SNTG1: variants seen among roughly 807,000 people sequenced by gnomAD.
The protein encoded by SNTG1 is gamma-1-syntrophin.
A neutral mutation model predicts 74.7 loss-of-function variants in SNTG1; 39 were observed. That is an observed-to-expected ratio of 0.52 (90% CI 0.40 to 0.68). SNTG1 has a LOEUF of 0.68. SNTG1 is among the 30% of genes least tolerant of loss of function. The pLI, the probability that SNTG1 is intolerant of heterozygous loss-of-function variation, is 0.00. For missense variants in SNTG1, 685 were observed against 609.5 expected (o/e 1.12, Z -1.30); for synonymous variants, 254 against 217.1 (o/e 1.17, Z -1.49).
chr8:50,649,757 T>G (rs2095133175), intron 13 of SNTG1, among the ~76,000 whole-genome samples: 1 of 152,128 alleles, frequency 6.6e-6, no homozygotes, highest in African/African-American at 2.4e-5. Context: ...CTGGCTCGTC[T>G]TTTTTAGTTT....
intron 15 of SNTG1, among the ~76,000 whole-genome samples, chr8:50,686,578 T>A (rs1396375): frequency 9.9e-5 from 15 of 152,042 alleles, no homozygotes; most frequent in Middle Eastern, 6.8e-3. Flanking sequence ...TATGAATATT[T>A]ATTTGGTTTT....
At chr8:49,963,871 T>G (rs1306466582) in intron 1 of SNTG1, among the ~76,000 whole-genome samples, 1 of 152,244 alleles carries the variant, frequency 6.6e-6, no homozygotes, top group Non-Finnish European at 1.5e-5. Context: ...TCTTTTCAAT[T>G]TAGAAAGACT....
At chr8:50,645,269 T>C (rs912205677) in intron 13 of SNTG1, among the ~76,000 whole-genome samples, 3 of 152,168 alleles carry the variant, frequency 2.0e-5, no homozygotes, top group East Asian at 1.9e-4. Flanking sequence ...AAACTTCTGG[T>C]AAACTCATAT....
chr8:50,081,834 T>C (rs370849480), intron 1 of SNTG1, among the ~76,000 whole-genome samples: 2 of 152,268 alleles, frequency 1.3e-5, no homozygotes, highest in African/African-American at 4.8e-5. Context: ...GGTTTCACCA[T>C]GTTGGCCAGG....
chr8:50,698,205 A>G lies in SNTG1; in HGVS notation c.1039-6395A>G, dbSNP rs148986654. Among the ~76,000 whole-genome samples, 246 of 152,088 alleles carry G rather than the reference A, an allele frequency of 1.6e-3. 1 individual carries two copies. Among genetic ancestry groups the G allele is most frequent in the Middle Eastern group, 6.8e-3 (2 of 294 alleles). ...GTAGTAAGTTTTCAGGAATTTGTCCATTTCCTCTAGGTTTTCTAGTTTGTG... is the reference window on the plus strand; with the variant it reads ...GTAGTAAGTTTTCAGGAATTTGTCCGTTTCCTCTAGGTTTTCTAGTTTGTG... On this transcript the variant is annotated intron_variant, in intron 15 of 18. Transcript: ENST00000642720.
Position 50,251,644 on chromosome 8 carries a change from T to C in SNTG1, c.-28+79009T>C, listed in dbSNP as rs936367716. 2.0e-5 allele frequency among the ~76,000 whole-genome samples: 3 copies of C among 152,044 alleles called. No individual in the cohort carries two copies. In the East Asian group the frequency reaches 5.8e-4, roughly 29 times the overall value. ...AAAGACAAAGGATATTATTATATAA[T>C]AATTACATAACTAACTCAACAAGAA... On this transcript the variant is annotated intron_variant, in intron 2 of 18. Coordinates refer to ENST00000642720, the MANE Select transcript of SNTG1 (RefSeq NM_018967.5).
intron 1 of SNTG1, among the ~76,000 whole-genome samples, chr8:49,955,758 G>C (rs1810100251): frequency 6.6e-6 from 1 of 152,160 alleles, no homozygotes; most frequent in Non-Finnish European, 1.5e-5. Flanking sequence ...CACTGTGGTG[G>C]CCCACGCTGC....
intron 1 of SNTG1, among the ~76,000 whole-genome samples, chr8:50,009,023 C>A (rs927208141): frequency 2.2e-4 from 10 of 46,162 alleles, no homozygotes; most frequent in African/African-American, 7.1e-4. Flanking sequence ...CCAGTCAGTG[C>A]TTTATTTATT....
At chr8:50,137,329 T>C (rs2081506922) in intron 1 of SNTG1, among the ~76,000 whole-genome samples, 2 of 152,140 alleles carry the variant, frequency 1.3e-5, no homozygotes, top group African/African-American at 2.4e-5. Context: ...GATGGGACGC[T>C]CTGAGTCCCC....
chr8:50,741,682 A>G (rs1306914525), intron 17 of SNTG1, among the ~76,000 whole-genome samples: 4 of 152,096 alleles, frequency 2.6e-5, no homozygotes, highest in African/African-American at 9.7e-5. Context: ...GGAAAATGGA[A>G]TATTATTGAG....
intron 9 of SNTG1, among the ~76,000 whole-genome samples, chr8:50,519,251 A>G (rs1463373225): frequency 6.6e-6 from 1 of 152,172 alleles, no homozygotes; most frequent in Non-Finnish European, 1.5e-5. Flanking sequence ...ATAAAACTCA[A>G]CACCCTTTTA....
At chr8:50,235,557 G>A (rs1175515851) in intron 2 of SNTG1, among the ~76,000 whole-genome samples, 1 of 152,158 alleles carries the variant, frequency 6.6e-6, no homozygotes, top group Admixed American at 6.5e-5. Context: ...CTGTGAGTGA[G>A]TGGAAATCAA....
intron 9 of SNTG1, among the ~76,000 whole-genome samples, chr8:50,507,334 T>A (rs2094015731): frequency 6.6e-6 from 1 of 152,180 alleles, no homozygotes; most frequent in African/African-American, 2.4e-5. Context: ...CTGGGTAATG[T>A]TCACTTCAAG....
chr8:50,511,738 C>T (rs2094078206), intron 9 of SNTG1, among the ~76,000 whole-genome samples: 1 of 152,024 alleles, frequency 6.6e-6, no homozygotes, highest in African/African-American at 2.4e-5. Context: ...GGATTGCAAC[C>T]TCTGCCTTTT....
intron 9 of SNTG1, among the ~76,000 whole-genome samples, chr8:50,518,676 C>A (rs1290360828): frequency 6.6e-6 from 1 of 152,150 alleles, no homozygotes; most frequent in African/African-American, 2.4e-5. Flanking sequence ...ACTATAAACA[C>A]CTCTATGCAA....
chr8:50,684,903 A>G lies in SNTG1; in HGVS notation c.1039-19697A>G, dbSNP rs1201638683. ...CCCTCCCCCCTCCCCCCACCCCACC[A>G]CAGTCCCCAGAGTGTGATATTCCCC... On this transcript the variant is annotated intron_variant, in intron 15 of 18. Coordinates refer to ENST00000642720, the MANE Select transcript of SNTG1 (RefSeq NM_018967.5). Among the ~76,000 whole-genome samples, 4 of 78,050 alleles carry G rather than the reference A, an allele frequency of 5.1e-5. No individual in the cohort carries two copies. In the South Asian group the frequency reaches 1.9e-3, roughly 38 times the overall value. The allele number at this position is 78,050 out of a possible 152,430, so 51.2% of individuals were successfully genotyped here. A position where few individuals can be genotyped will look rare whatever the true frequency, so the allele number is the denominator to read the frequency against.
chr8:50,080,990 T>C (rs1822350024), intron 1 of SNTG1, among the ~76,000 whole-genome samples: 1 of 152,284 alleles, frequency 6.6e-6, no homozygotes, highest in South Asian at 2.1e-4. Context: ...TATTGTCATA[T>C]ATATCTATAT....
At chr8:49,926,874 G>A (rs1807075450) in intron 1 of SNTG1, among the ~76,000 whole-genome samples, 1 of 152,028 alleles carries the variant, frequency 6.6e-6, no homozygotes, top group African/African-American at 2.4e-5. Flanking sequence ...AATATACAAA[G>A]AGCACTTCAA....
At chr8:50,681,431 A>T (rs2095330510) in intron 15 of SNTG1, among the ~76,000 whole-genome samples, 1 of 152,166 alleles carries the variant, frequency 6.6e-6, no homozygotes, top group Non-Finnish European at 1.5e-5. Context: ...TGTTAAGTAA[A>T]TAAAAACATA....
Sources: gnomAD v4.1 joint callset for allele counts (sites outside exome capture counted in the v4.1 genomes callset) on GRCh38, gnomAD v4.1.1 for gene constraint, MANE v1.5 for transcripts, NCBI Gene and HGNC (gene_info 2026-07-23, HGNC 2026-07-21) for gene names.